ATP2B2: variants seen among roughly 807,000 people sequenced by gnomAD.
ATP2B2 encodes ATPase plasma membrane Ca2+ transporting 2, also known as plasma membrane calcium-transporting ATPase 2.
A neutral mutation model predicts 120.0 loss-of-function variants in ATP2B2; 15 were observed. The ratio of observed to expected loss-of-function variants is 0.12; its 90% CI spans 0.08 to 0.19. The LOEUF (loss-of-function observed/expected upper bound fraction) is 0.19. Ranked by LOEUF, ATP2B2 falls within the 10% of genes least tolerant of loss-of-function variation. The pLI is 1.00. For missense variants in ATP2B2, 1,045 were observed against 1,719.8 expected, an observed-to-expected ratio of 0.61 and a Z score of 6.94; for synonymous variants, 694 against 700.3, an observed-to-expected ratio of 0.99 and a Z score of 0.14.
At chr3:10,397,585 GA>G (rs1296662069) in intron 5 of ATP2B2, among the ~76,000 whole-genome samples, 2 of 152,216 alleles carry the variant, frequency 1.3e-5, no homozygotes, top group Non-Finnish European at 1.5e-5. Context: ...TGAGCAGATG[GA>G]AAAAAGTTAA....
intron 1 of ATP2B2, among the ~76,000 whole-genome samples, chr3:10,480,516 G>A (rs941293513): frequency 1.3e-5 from 2 of 152,152 alleles, no homozygotes; most frequent in African/African-American, 2.4e-5. Flanking sequence ...CACAGGCTTT[G>A]AGAACTGCCC....
chr3:10,687,175 C>T (rs553050604), intron 1 of ATP2B2, among the ~76,000 whole-genome samples: 7 of 152,346 alleles, frequency 4.6e-5, no homozygotes, highest in Middle Eastern at 6.8e-3. Context: ...TCACTTCTGC[C>T]TTTTACTTGC....
At chr3:10,610,212 C>T (rs2125606889) in intron 2 of ATP2B2, among the ~76,000 whole-genome samples, 1 of 151,484 alleles carries the variant, frequency 6.6e-6, no homozygotes, top group South Asian at 2.1e-4. Flanking sequence ...TTATCTGGCC[C>T]ACTATTCCAA....
chr3:10,359,310 T>C lies in ATP2B2; in HGVS notation c.1902-385A>G, dbSNP rs2060829433. Among the ~76,000 whole-genome samples the C allele has an allele frequency of 2.0e-5, 3 of 152,180 alleles. No homozygotes were observed. The South Asian group carries it at 6.2e-4, about 32-fold the overall frequency. ...CCCAGAGGTTCCAGTTCAATTTGTC[T>C]GGGGTGAATCCAGGAATCAATGTTT... On this transcript the variant is annotated intron_variant, in intron 13 of 22. Transcript: ENST00000360273.
At chr3:10,357,981 G>A (rs1012974265) in intron 14 of ATP2B2, among the ~76,000 whole-genome samples, 25 of 152,220 alleles carry the variant, frequency 1.6e-4, no homozygotes, top group Admixed American at 1.2e-3. Flanking sequence ...TCAGCTAAAG[G>A]AGAATGAAGA....
intron 2 of ATP2B2, among the ~76,000 whole-genome samples, chr3:10,610,885 A>C (rs1559485494): frequency 6.6e-6 from 1 of 152,164 alleles, no homozygotes; most frequent in Non-Finnish European, 1.5e-5. Flanking sequence ...ATGCCAAGAG[A>C]CTGTGTCAAG....
intron 1 of ATP2B2, among the ~76,000 whole-genome samples, chr3:10,704,269 T>A (rs943213713): frequency 2.0e-5 from 3 of 152,222 alleles, no homozygotes; most frequent in East Asian, 1.9e-4. Flanking sequence ...TGAAAATAGA[T>A]ACACATGGAA....
At position 10,449,464 on chromosome 3, in the gene ATP2B2, G is replaced by A. The variant is rs776820559; in HGVS notation, c.80C>T (p.Thr27Ile). The A allele has an allele frequency of 6.2e-7, 1 of 1,614,242 alleles. No individual in the cohort carries two copies. Among genetic ancestry groups the A allele is most frequent in the Non-Finnish European group, 8.5e-7 (1 of 1,180,048 alleles). Reference protein sequence around the residue: ...ESSHGGEFGCTMEELRSLMEL... With the variant: ...ESSHGGEFGCIMEELRSLMEL... ...CATGAGGGAGCGGAGCTCCTCCATT[G>A]TGCACCCGAACTCGCCCCCATGGCT... The change falls in exon 2 of 23, where the codon ACA (threonine) becomes ATA (isoleucine). Residue 27 changes from threonine to isoleucine, a missense_variant. By Grantham distance (89) the Thr-to-Ile change is moderately conservative. Around this residue, in one of 11 missense-constraint regions of ATP2B2, gnomAD observed 139 missense variants for 134.2 expected, o/e 1.04. Coordinates refer to ENST00000360273, the MANE Select transcript of ATP2B2 (RefSeq NM_001001331.4).
intron 1 of ATP2B2, among the ~76,000 whole-genome samples, chr3:10,683,919 C>T (rs574999121): frequency 5.6e-4 from 84 of 151,342 alleles, no homozygotes; most frequent in Non-Finnish European, 1.1e-3. Context: ...GCCTCAGCCT[C>T]CCAAGTAAGT....
intron 2 of ATP2B2, among the ~76,000 whole-genome samples, chr3:10,611,385 T>C (rs1347424882): frequency 6.6e-6 from 1 of 152,098 alleles, no homozygotes; most frequent in Non-Finnish European, 1.5e-5. Flanking sequence ...CAGAGGGGTG[T>C]GGGAAAGTAT....
chr3:10,542,378 G>T (rs2067458348), intron 2 of ATP2B2, among the ~76,000 whole-genome samples: 1 of 152,112 alleles, frequency 6.6e-6, no homozygotes. Context: ...ACATAATTTA[G>T]AAAACTCAAG....
intron 1 of ATP2B2, among the ~76,000 whole-genome samples, chr3:10,648,292 GCCCTGA>G (rs960345180): frequency 6.6e-6 from 1 of 152,090 alleles, no homozygotes; most frequent in Non-Finnish European, 1.5e-5. Flanking sequence ...TCCCTTGGCT[GCCCTGA>G]CTAACACCTT....
chr3:10,559,815 C>T (rs1303458010), intron 2 of ATP2B2, among the ~76,000 whole-genome samples: 3 of 152,170 alleles, frequency 2.0e-5, no homozygotes, highest in African/African-American at 2.4e-5. Context: ...GTTCCTTCCG[C>T]GGGGAGCTCA....
intron 1 of ATP2B2, among the ~76,000 whole-genome samples, chr3:10,471,287 A>C (rs1260789545): frequency 6.6e-6 from 1 of 151,870 alleles, no homozygotes; most frequent in African/African-American, 2.4e-5. Flanking sequence ...CTTCGGGCCA[A>C]TCCCACCCTC....
At chr3:10,520,763 TTTTTTTTC>T (rs2066969472) in intron 3 of ATP2B2, among the ~76,000 whole-genome samples, 1 of 151,500 alleles carries the variant, frequency 6.6e-6, no homozygotes, top group Non-Finnish European at 1.5e-5. Context: ...GCCTCTTTTT[TTTTTTTTC>T]TTTTTTTTCT....
At chr3:10,619,574 T>G in intron 2 of ATP2B2, among the ~76,000 whole-genome samples, 1 of 152,202 alleles carries the variant, frequency 6.6e-6, no homozygotes, top group Non-Finnish European at 1.5e-5. Flanking sequence ...TGGTGGAATA[T>G]CACACCAAGG....
Position 10,658,219 on chromosome 3 carries a change from C to A in ATP2B2, c.-459-38258G>T, listed in dbSNP as rs145300505. 3.2e-3 allele frequency among the ~76,000 whole-genome samples: 487 copies of A among 152,340 alleles called. 1 individual carries two copies. The highest frequency in any genetic ancestry group is 0.011 in the African/African-American group (465 of 41,568). ...TCCTCCAAAGGAACGCAGCTCCGCA[C>A]CAGCAATGCAACATAGCTGGACGGA... is the stretch of plus-strand genomic sequence containing the variant. On this transcript the variant is annotated intron_variant, in intron 1 of 21. Transcript: ENST00000646379.
Position 10,329,202 on chromosome 3 carries a change from G to A in ATP2B2, c.3421-77C>T. 1.6e-6 allele frequency: 2 copies of A among 1,244,306 alleles called. No individual in the cohort carries two copies. The highest frequency in any genetic ancestry group is 1.2e-5 in the South Asian group (1 of 83,836). The allele number at this position is 1,244,306 out of a possible 1,614,324, so 77.1% of individuals were successfully genotyped here. On this transcript the variant is annotated intron_variant, in intron 22 of 22. Transcript: ENST00000360273. This position sits in a 1 kb window ranked among gnomAD's most constrained non-coding sequence, Gnocchi z 5.9. ...CTCGGGGGGCTCACAGGAGGGGCGG[G>A]TGGGAGAAGGGTTAGGGCAAAGCAG...
chr3:10,548,437 G>A (rs2067596902), intron 2 of ATP2B2, among the ~76,000 whole-genome samples: 1 of 152,190 alleles, frequency 6.6e-6, no homozygotes, highest in Admixed American at 6.5e-5. Flanking sequence ...GCCAATGATT[G>A]ACGGGTGTTG....
Sources: allele counts gnomAD v4.1 joint callset (sites outside exome capture counted in the v4.1 genomes callset), GRCh38; gene constraint gnomAD v4.1.1; regional missense constraint gnomAD v4.1.1; non-coding constraint Gnocchi (gnomAD v3.1); transcripts MANE v1.5; gene names NCBI Gene and HGNC (gene_info 2026-07-23, HGNC 2026-07-21).